The following PRKAR2A variants were observed in gnomAD, a reference collection of about 807,000 sequenced individuals.
The protein encoded by PRKAR2A is cAMP-dependent protein kinase type II-alpha regulatory subunit.
Under a neutral mutation model 51.9 loss-of-function variants are expected in PRKAR2A, and 29 were observed. That is an observed-to-expected ratio of 0.56 (90% CI 0.42 to 0.76). The LOEUF (loss-of-function observed/expected upper bound fraction) is 0.76. Among genes scored for constraint, PRKAR2A ranks in the 30% least tolerant of loss-of-function variants. The probability of loss-of-function intolerance (pLI) is 0.00; values close to 1 mark genes in which losing one functional copy is unlikely to be tolerated. For missense variants in PRKAR2A, 445 were observed against 512.1 expected, an observed-to-expected ratio of 0.87 and a Z score of 1.26; for synonymous variants, 178 against 186.2, an observed-to-expected ratio of 0.96 and a Z score of 0.36.
At position 48,747,276 on chromosome 3, in the gene PRKAR2A, T is replaced by A. The variant is rs1005429747; in HGVS notation, c.*4309A>T. ...AACAAAAATTCCAACATCAGCCAAC[T>A]GAAAATAAAAGATAAAAGATGACAT... is the stretch of plus-strand genomic sequence containing the variant. On this transcript the variant is annotated 3_prime_UTR_variant, in exon 11 of 11. Coordinates refer to ENST00000265563, the MANE Select transcript of PRKAR2A (RefSeq NM_004157.4). 2.0e-5 allele frequency: 3 copies of A among 152,142 alleles called. No homozygotes were observed. Among genetic ancestry groups the A allele is most frequent in the African/African-American group, 7.2e-5 (3 of 41,444 alleles). The allele number at this position is 152,142 out of a possible 1,614,324, so 9.4% of individuals were successfully genotyped here.
chr3:48,817,307 C>CA (rs913761118), intron 1 of PRKAR2A, among the ~76,000 whole-genome samples: 68 of 145,950 alleles, frequency 4.7e-4, no homozygotes, highest in African/African-American at 1.7e-3. Flanking sequence ...ATCCTGGTGA[C>CA]ACAGCAAGAC....
chr3:48,765,792 T>G (rs931552568), intron 6 of PRKAR2A, among the ~76,000 whole-genome samples: 22 of 149,218 alleles, frequency 1.5e-4, no homozygotes, highest in Non-Finnish European at 5.9e-5. Flanking sequence ...CATTTAATCC[T>G]TAGAATCCAG....
chr3:48,754,913 T>C (rs2081734053), intron 9 of PRKAR2A, among the ~76,000 whole-genome samples: 1 of 135,332 alleles, frequency 7.4e-6, no homozygotes, highest in African/African-American at 2.7e-5. Context: ...CAAGACTCAC[T>C]CAAAAAAAAA....
rs752792701 is a variant in PRKAR2A, at chr3:48,756,333, G to A, written c.939+46C>T. 5 of 1,502,470 alleles carry A rather than the reference G, an allele frequency of 3.3e-6. No individual in the cohort carries two copies. In the Admixed American group the frequency reaches 8.4e-5, roughly 25 times the overall value. 93.1% of individuals were successfully genotyped at this position (1,502,470 alleles called of 1,614,324 possible). On this transcript the variant is annotated intron_variant, in intron 9 of 10. Transcript: ENST00000265563. ...CACTTCACATTATTTAAAACAAATA[G>A]TTACTTTTTGTGTGTACACCATCAC...
chr3:48,802,285 ACTCG>A (rs2082602654), intron 2 of PRKAR2A, among the ~76,000 whole-genome samples: 2 of 151,800 alleles, frequency 1.3e-5, no homozygotes, highest in Non-Finnish European at 2.9e-5. Flanking sequence ...CAAGTGATCC[ACTCG>A]CCTTGGCCTC....
chr3:48,802,347 T>A (rs561546203), intron 2 of PRKAR2A, among the ~76,000 whole-genome samples: 66 of 152,200 alleles, frequency 4.3e-4, no homozygotes, highest in African/African-American at 1.5e-3. Flanking sequence ...GAAAAAGGTG[T>A]CCTTTAAATG....
At chr3:48,830,595 T>C (rs887909341) in intron 1 of PRKAR2A, among the ~76,000 whole-genome samples, 1 of 152,112 alleles carries the variant, frequency 6.6e-6, no homozygotes, top group African/African-American at 2.4e-5. Context: ...CAGGAACTGG[T>C]TTCATGGAAG....
At position 48,747,988 on chromosome 3, in the gene PRKAR2A, G is replaced by A. The variant is rs1052167154; in HGVS notation, c.*3597C>T. 4 of 152,208 alleles carry A rather than the reference G, an allele frequency of 2.6e-5. No individual in the cohort carries two copies. Among genetic ancestry groups the A allele is most frequent in the Admixed American group, 6.5e-5 (1 of 15,270 alleles). The allele number at this position is 152,208 out of a possible 1,614,324, so 9.4% of individuals were successfully genotyped here. On this transcript the variant is annotated 3_prime_UTR_variant, in exon 11 of 11. Coordinates refer to ENST00000265563, the MANE Select transcript of PRKAR2A (RefSeq NM_004157.4). ...GTCAGGTCCTGGCACCGTGGTAATG[G>A]CTATATCCTATTTCACTCACACACG...
intron 8 of PRKAR2A, 138 bp from the exon 9 acceptor site, chr3:48,756,582 C>A: frequency 9.6e-6 from 6 of 623,142 alleles, no homozygotes; most frequent in Non-Finnish European, 1.7e-5. Flanking sequence ...TAAACAAATT[C>A]AGAGCAGGCA....
At chr3:48,803,819 C>T (rs1057356734) in intron 2 of PRKAR2A, among the ~76,000 whole-genome samples, 1 of 152,206 alleles carries the variant, frequency 6.6e-6, no homozygotes, top group African/African-American at 2.4e-5. Flanking sequence ...ACCCGCCTGG[C>T]CAACATGGTG....
Position 48,747,038 on chromosome 3 carries a change from GT to G in PRKAR2A, c.*4546del, listed in dbSNP as rs2081570019. ...CTCCATGAGGTTAGTGACAGTTCTT[GT>G]CCTTTTTTTTTTTTTTTTTTTTTTT... On this transcript the variant is annotated 3_prime_UTR_variant, in exon 11 of 11. Coordinates refer to ENST00000265563, the MANE Select transcript of PRKAR2A (RefSeq NM_004157.4). 1 of 101,524 alleles carries G rather than the reference GT, an allele frequency of 9.8e-6. No individual in the cohort carries two copies. Among genetic ancestry groups the G allele is most frequent in the Non-Finnish European group, 1.9e-5 (1 of 52,020 alleles). 6.3% of individuals were successfully genotyped at this position (101,524 alleles called of 1,614,324 possible).
chr3:48,820,985 G>A (rs1275846348), intron 1 of PRKAR2A, among the ~76,000 whole-genome samples: 6 of 152,058 alleles, frequency 3.9e-5, no homozygotes, highest in Non-Finnish European at 7.4e-5. Context: ...TGTTACTCCA[G>A]GCTCCCTATG....
chr3:48,836,261 T>C (rs746021995), intron 1 of PRKAR2A, among the ~76,000 whole-genome samples: 2 of 150,256 alleles, frequency 1.3e-5, no homozygotes, highest in Non-Finnish European at 3.0e-5. Context: ...CTACCAAAAA[T>C]ACAAAAAATT....
At chr3:48,832,301 A>C (rs1259439692) in intron 1 of PRKAR2A, among the ~76,000 whole-genome samples, 5 of 151,408 alleles carry the variant, frequency 3.3e-5, no homozygotes, top group South Asian at 2.1e-4. Flanking sequence ...CATCTCAAAA[A>C]AAAAAAAAAC....
chr3:48,840,203 AGGATGGTCAGGTATGGT>A (rs1277756443), intron 1 of PRKAR2A, among the ~76,000 whole-genome samples: 1 of 152,162 alleles, frequency 6.6e-6, no homozygotes, highest in Non-Finnish European at 1.5e-5. Context: ...TTCCTTCTTA[AGGATGGTCAGGTATGGT>A]GGCTCATGCC....
intron 5 of PRKAR2A, among the ~76,000 whole-genome samples, chr3:48,776,616 A>G (rs544856294): frequency 1.1e-4 from 16 of 152,144 alleles, no homozygotes; most frequent in African/African-American, 3.6e-4. Flanking sequence ...TGAGGCAGAC[A>G]GATCACCTGA....
intron 8 of PRKAR2A, 98 bp from the exon 9 acceptor site, chr3:48,756,542 T>C (rs535029980): frequency 1.2e-5 from 11 of 895,480 alleles, no homozygotes; most frequent in South Asian, 1.2e-4. Flanking sequence ...GATTTGTATT[T>C]ATTTTTTAAC....
intron 8 of PRKAR2A, 52 bp from the exon 9 acceptor site, chr3:48,756,496 TA>T: frequency 7.3e-7 from 1 of 1,366,682 alleles, no homozygotes; most frequent in Non-Finnish European, 1.0e-6. Flanking sequence ...TGAAGGGGAA[TA>T]AAGAAATAGA....
rs373787946 is a variant in PRKAR2A at position 48,816,635 on chromosome 3, T to G, written c.263-8951A>C. 1.2e-4 allele frequency among the ~76,000 whole-genome samples: 18 copies of G among 151,864 alleles called. No individual in the cohort carries two copies. In the East Asian group the frequency reaches 2.5e-3, roughly 21 times the overall value. On this transcript the variant is annotated intron_variant, in intron 1 of 10. Coordinates refer to ENST00000265563, the MANE Select transcript of PRKAR2A (RefSeq NM_004157.4). ...CCTTGCGACAGAGAGAGACTCCATC[T>G]CAAAAAAAAGAAAAAATTTACTAAC... is the stretch of plus-strand genomic sequence containing the variant.
Sources: allele counts gnomAD v4.1 joint callset (sites outside exome capture counted in the v4.1 genomes callset), GRCh38; gene constraint gnomAD v4.1.1; transcripts MANE v1.5; gene names NCBI Gene and HGNC (gene_info 2026-07-23, HGNC 2026-07-21).